CSTPP1: variants seen among roughly 807,000 people sequenced by gnomAD.
CSTPP1 encodes the protein centriolar satellite-associated tubulin polyglutamylase complex regulator 1, also known as UPF0705 protein C11orf49.
chr11:47,098,563 T>C, the CSTPP1 span, among the ~76,000 whole-genome samples: 8 of 151,192 alleles, frequency 5.3e-5, no homozygotes, highest in Admixed American at 3.3e-4. Context: ...TGGAGTGCAG[T>C]GGCGGGATCT....
the CSTPP1 span, among the ~76,000 whole-genome samples, chr11:47,060,280 T>G: frequency 4.2e-5 from 3 of 71,046 alleles, no homozygotes; most frequent in African/African-American, 1.8e-4. Context: ...TTTTTTTTTG[T>G]TTGAGACTGA....
the CSTPP1 span, among the ~76,000 whole-genome samples, chr11:47,054,550 G>C: frequency 1.3e-5 from 2 of 151,570 alleles, no homozygotes; most frequent in East Asian, 3.9e-4. Flanking sequence ...TGGGCTCAAG[G>C]CCTCAGCCTC....
At chr11:47,075,435 A>G in the CSTPP1 span, among the ~76,000 whole-genome samples, 1 of 152,208 alleles carries the variant, frequency 6.6e-6, no homozygotes, top group Non-Finnish European at 1.5e-5. Flanking sequence ...TAAAGGCACA[A>G]GAACAAAACA....
the CSTPP1 span, among the ~76,000 whole-genome samples, chr11:46,947,768 G>T: frequency 1.3e-5 from 2 of 152,152 alleles, no homozygotes; most frequent in Non-Finnish European, 2.9e-5. Context: ...TAAAACACAA[G>T]CTTCAGTTTC....
the CSTPP1 span, among the ~76,000 whole-genome samples, chr11:46,969,752 G>A: frequency 2.0e-5 from 3 of 152,082 alleles, no homozygotes; most frequent in African/African-American, 7.2e-5. Flanking sequence ...CAGCTATATG[G>A]ATAAACCCCA....
chr11:46,998,164 G>T, the CSTPP1 span, among the ~76,000 whole-genome samples: 1 of 152,046 alleles, frequency 6.6e-6, no homozygotes, highest in Non-Finnish European at 1.5e-5. Context: ...GTTCCTATTC[G>T]GCCATCTTGG....
the CSTPP1 span, among the ~76,000 whole-genome samples, chr11:47,083,983 T>A: frequency 6.6e-6 from 1 of 152,266 alleles, no homozygotes; most frequent in Non-Finnish European, 1.5e-5. Flanking sequence ...GTTGAATTAC[T>A]GACTGCTTTC....
the CSTPP1 span, among the ~76,000 whole-genome samples, chr11:47,066,865 C>A: frequency 1.3e-5 from 2 of 152,244 alleles, no homozygotes; most frequent in African/African-American, 4.8e-5. Flanking sequence ...TATGTATAGC[C>A]CACATTTATT....
chr11:47,067,325 A>T, the CSTPP1 span, among the ~76,000 whole-genome samples: 1 of 152,206 alleles, frequency 6.6e-6, no homozygotes, highest in Non-Finnish European at 1.5e-5. Flanking sequence ...AATGTATATT[A>T]TAACATCATA....
the CSTPP1 span, among the ~76,000 whole-genome samples, chr11:47,152,212 G>GCA: frequency 6.6e-6 from 1 of 150,984 alleles, no homozygotes. Context: ...CTGCACCACT[G>GCA]CACTCCAGCC....
the CSTPP1 span, among the ~76,000 whole-genome samples, chr11:47,069,713 A>T: frequency 2.0e-5 from 3 of 151,632 alleles, no homozygotes; most frequent in African/African-American, 7.3e-5. Flanking sequence ...TTTTATTATT[A>T]TTATTTTTTT....
the CSTPP1 span, among the ~76,000 whole-genome samples, chr11:47,163,068 G>C: frequency 6.6e-6 from 1 of 151,910 alleles, no homozygotes; most frequent in East Asian, 1.9e-4. Flanking sequence ...CCAGCTACTT[G>C]GGAGACCCGA....
the CSTPP1 span, among the ~76,000 whole-genome samples, chr11:47,036,459 C>G: frequency 2.6e-5 from 3 of 117,514 alleles, no homozygotes; most frequent in African/African-American, 7.8e-5. Flanking sequence ...AAGTATTAAA[C>G]TCTAATTAGT....
chr11:46,955,295 G>T, the CSTPP1 span, among the ~76,000 whole-genome samples: 2 of 151,386 alleles, frequency 1.3e-5, no homozygotes, highest in Admixed American at 1.3e-4. Context: ...TTTACTTTAG[G>T]ATTAGAAATT....
At chr11:47,155,594 A>G in the CSTPP1 span, 11 of 366,834 alleles carry the variant, frequency 3.0e-5, no homozygotes, top group Non-Finnish European at 5.1e-5. Flanking sequence ...ACTATGTCCC[A>G]GGCACAGCAC....
the CSTPP1 span, among the ~76,000 whole-genome samples, chr11:46,990,943 G>GTGTGCTT: frequency 6.6e-6 from 1 of 152,114 alleles, no homozygotes; most frequent in Non-Finnish European, 1.5e-5. Context: ...TGTTTTAAGT[G>GTGTGCTT]TGTGCTTTAT....
At chr11:46,984,121 A>G in the CSTPP1 span, among the ~76,000 whole-genome samples, 3 of 152,208 alleles carry the variant, frequency 2.0e-5, no homozygotes, top group Non-Finnish European at 4.4e-5. Flanking sequence ...TGATTTTACT[A>G]TCAACATACA....
the CSTPP1 span, among the ~76,000 whole-genome samples, chr11:47,163,077 G>A: frequency 2.6e-5 from 4 of 151,196 alleles, no homozygotes; most frequent in East Asian, 2.0e-4. Flanking sequence ...TGGGAGACCC[G>A]AGGTAGATCA....
the CSTPP1 span, chr11:46,987,518 T>G: frequency 1.9e-6 from 1 of 519,392 alleles, no homozygotes; most frequent in Non-Finnish European, 3.5e-6. Context: ...CATGAATAGT[T>G]TTGATTACAG....
Sources: allele counts gnomAD v4.1 joint callset (sites outside exome capture counted in the v4.1 genomes callset), GRCh38; gene constraint gnomAD v4.1.1; transcripts MANE v1.5; gene names NCBI Gene and HGNC (gene_info 2026-07-23, HGNC 2026-07-21).